The following CFAP298 variants were observed in gnomAD, a reference collection of about 807,000 sequenced individuals.
CFAP298 encodes the protein cilia- and flagella-associated protein 298.
Under a neutral mutation model 41.0 loss-of-function variants are expected in CFAP298, and 38 were observed. The ratio of observed to expected loss-of-function variants is 0.93; its 90% confidence interval spans 0.72 to 1.22. CFAP298 has a LOEUF of 1.22. Among genes scored for constraint, CFAP298 ranks in the 50% most tolerant of loss-of-function variants. CFAP298 has a pLI of 0.00. For synonymous variants in CFAP298, 137 were observed against 135.3 expected (o/e 1.01, Z -0.09); for missense variants, 348 against 360.3 (o/e 0.97, Z 0.28).
chr21:32,611,331 ATATATATAATTT>A (rs1482300493), intron 1 of CFAP298, among the ~76,000 whole-genome samples: 2 of 134,422 alleles, frequency 1.5e-5, no homozygotes, highest in African/African-American at 3.2e-5. Flanking sequence ...ATATATATAT[ATATATATAATTT>A]ATTTATATTT....
At chr21:32,608,614 G>A (rs1172731576) in intron 2 of CFAP298, among the ~76,000 whole-genome samples, 1 of 136,884 alleles carries the variant, frequency 7.3e-6, no homozygotes, top group South Asian at 2.3e-4. Context: ...CCGAGATTGT[G>A]CCACTGCACT....
In CFAP298 at chr21:32,612,148, G is replaced by A; in HGVS notation, c.96C>T (p.Ala32=). 6.3e-7 allele frequency: 1 copy of A among 1,578,442 alleles called. No homozygotes were observed. Among genetic ancestry groups the A allele is most frequent in the Non-Finnish European group, 8.6e-7 (1 of 1,162,640 alleles). ...CCTTGAGCCGCCCATTATAGACCCG[G>A]GCCACCTGCACCGTGAGCTCCTCCA... ...TELEELTVQV[A]RVYNGRLKVQ... The change falls in exon 1 of 7, where the codon GCC becomes GCT. Residue 32 remains alanine (A), a synonymous_variant. Coordinates refer to ENST00000290155, the MANE Select transcript of CFAP298 (RefSeq NM_021254.4).
At chr21:32,603,391 C>T in intron 4 of CFAP298, 99 bp from the exon 5 acceptor site, 2 of 1,319,470 alleles carry the variant, frequency 1.5e-6, no homozygotes, top group Non-Finnish European at 2.1e-6. Context: ...CAGATTTCTC[C>T]CCGTGCTCAC....
rs112097109 is a variant in CFAP298, at chr21:32,602,132, G to A, written c.762+140C>T. 6.7e-4 allele frequency: 620 copies of A among 923,156 alleles called. 4 individuals carry two copies. In the African/African-American group the frequency reaches 7.9e-3, roughly 12 times the overall value. The allele number at this position is 923,156 out of a possible 1,614,324, so 57.2% of individuals were successfully genotyped here. The stretch of plus-strand genomic sequence containing the variant: ...ACCAGGGGACACCTGGCAGGACCCC[G>A]ACAGACCTGCAGACAGAAGCTCTAG... On this transcript the variant is annotated intron_variant, in intron 6 of 6. Coordinates refer to ENST00000290155, the MANE Select transcript of CFAP298 (RefSeq NM_021254.4).
chr21:32,606,296 T>C (rs554592936), intron 3 of CFAP298, among the ~76,000 whole-genome samples: 2 of 152,240 alleles, frequency 1.3e-5, no homozygotes, highest in African/African-American at 2.4e-5. Flanking sequence ...GGGGAAAGGA[T>C]GGAAGCTTCA....
In CFAP298 at chr21:32,599,476, C is replaced by T. The variant is rs1720137; in HGVS notation, c.*2387G>A. Among the ~76,000 whole-genome samples, 15,108 of 152,180 alleles carry T rather than the reference C, an allele frequency of 0.099. 903 individuals carry two copies. The highest frequency in any genetic ancestry group is 0.16 in the African/African-American group (6,723 of 41,494). On this transcript the variant is annotated 3_prime_UTR_variant, in exon 7 of 7. Transcript: ENST00000290155. ...AGATGGGCACCGTGCATACAGCAGA[C>T]ACTTGGTTTCCTTTTGATATTGACT... is the stretch of plus-strand genomic sequence containing the variant.
At chr21:32,611,255 GATCGCGC>G (rs1245857168) in intron 1 of CFAP298, among the ~76,000 whole-genome samples, 1 of 148,616 alleles carries the variant, frequency 6.7e-6, no homozygotes, top group Non-Finnish European at 1.5e-5. Context: ...AGTGAGCAGA[GATCGCGC>G]CACTGCACTC....
At chr21:32,602,545 C>A (rs2038767470) in intron 5 of CFAP298, 178 bp from the exon 6 acceptor site, 2 of 1,422,248 alleles carry the variant, frequency 1.4e-6, no homozygotes, top group Non-Finnish European at 1.8e-6. Context: ...CAGCCCTGAG[C>A]CCTGGACTCT....
intron 2 of CFAP298, among the ~76,000 whole-genome samples, chr21:32,608,428 GGGTGGA>G: frequency 6.6e-6 from 1 of 152,044 alleles, no homozygotes; most frequent in East Asian, 1.9e-4. Context: ...AGGCCAAGAT[GGGTGGA>G]TCACCTGAGG....
In CFAP298 at chr21:32,607,629, C is replaced by A; in HGVS notation, c.375+20G>T. ...AAAAAAAACCCAACAAGTTTTAGTG[C>A]ATCATTTAAAAAAGCCAACCTTAGA... On this transcript the variant is annotated intron_variant, in intron 3 of 6. Transcript: ENST00000290155. The A allele has an allele frequency of 7.2e-7, 1 of 1,395,052 alleles. No homozygotes were observed. The highest frequency in any genetic ancestry group is 9.9e-7 in the Non-Finnish European group (1 of 1,013,062). The allele number at this position is 1,395,052 out of a possible 1,614,324, so 86.4% of individuals were successfully genotyped here.
intron 3 of CFAP298, among the ~76,000 whole-genome samples, chr21:32,607,424 T>C (rs1307966893): frequency 6.6e-6 from 1 of 151,896 alleles, no homozygotes; most frequent in African/African-American, 2.4e-5. Context: ...AGAAACCCCG[T>C]CTCTACTAAA....
rs113949928 is a variant in CFAP298 at position 32,603,753 on chromosome 21, T to C, written c.534+372A>G. Among the ~76,000 whole-genome samples, 331 of 152,250 alleles carry C rather than the reference T, an allele frequency of 2.2e-3. 3 individuals are homozygous for C. Among genetic ancestry groups the C allele is most frequent in the African/African-American group, 7.7e-3 (319 of 41,552 alleles). On this transcript the variant is annotated intron_variant, in intron 4 of 6. Transcript: ENST00000290155. ...GGAACATGAGGGTCAGAAAATAACA[T>C]GAAGCAACAGGTAAGACTAGAAACA...
chr21:32,602,216 C>T, intron 6 of CFAP298, 56 bp downstream of exon 6: 6 of 1,546,642 alleles, frequency 3.9e-6, no homozygotes, highest in Non-Finnish European at 5.4e-6. Flanking sequence ...CCAGGTAAGG[C>T]ACACAGGCTA....
Position 32,603,260 on chromosome 21 carries a change from C to CGCCTCTGCCTCTTTAA in CFAP298, c.551_566dup (p.Gln190Ter). ...GCTCCTTGGCTGCCCACCACAGCTG[C>CGCCTCTGCCTCTTTAA]GCCTCTGCCTCTTTAATGACGTTGA... is the stretch of plus-strand genomic sequence containing the variant. On this transcript the variant is annotated stop_gained and frameshift_variant, in exon 5 of 7. Coordinates refer to ENST00000290155, the MANE Select transcript of CFAP298 (RefSeq NM_021254.4). LOFTEE classifies it high-confidence loss of function. 6.2e-7 allele frequency: 1 copy of CGCCTCTGCCTCTTTAA among 1,614,164 alleles called. No individual in the cohort carries two copies. Among genetic ancestry groups the CGCCTCTGCCTCTTTAA allele is most frequent in the Non-Finnish European group, 8.5e-7 (1 of 1,180,010 alleles).
At chr21:32,602,829 G>A in intron 5 of CFAP298, 1 of 1,401,238 alleles carries the variant, frequency 7.1e-7, no homozygotes, top group Non-Finnish European at 9.2e-7. Flanking sequence ...AGCATCAGCA[G>A]TTTGAAAAAG....
At chr21:32,605,860 T>C (rs1215662227) in intron 3 of CFAP298, among the ~76,000 whole-genome samples, 6 of 152,196 alleles carry the variant, frequency 3.9e-5, no homozygotes, top group African/African-American at 1.4e-4. Context: ...CTCTGAGTAG[T>C]TAGTGTCAGA....
At chr21:32,602,543 A>T in intron 5 of CFAP298, 176 bp from the exon 6 acceptor site, 2 of 1,423,074 alleles carry the variant, frequency 1.4e-6, no homozygotes, top group Non-Finnish European at 1.8e-6. Context: ...AGCAGCCCTG[A>T]GCCCTGGACT....
rs1222493098 is a variant in CFAP298, at chr21:32,603,283, T to G, written c.544A>C (p.Asn182His). ...EDLSGTQAGL[N>H]VIKEAEAQLW... ...TGCGCCTCTGCCTCTTTAATGACGT[T>G]GAGCCCTGCCTGGGGCCAGTCGTAA... is the stretch of plus-strand genomic sequence containing the variant. The change falls in exon 5 of 7, where the codon AAC becomes CAC. Residue 182 changes from asparagine (N) to histidine (H), a missense_variant. Asn to His is a moderately conservative substitution (Grantham distance 68). Coordinates refer to ENST00000290155, the MANE Select transcript of CFAP298 (RefSeq NM_021254.4). 4 of 1,614,156 alleles carry G rather than the reference T, an allele frequency of 2.5e-6. No homozygotes were observed. Among genetic ancestry groups the G allele is most frequent in the Non-Finnish European group, 3.4e-6 (4 of 1,180,036 alleles).
chr21:32,603,001 TG>T, intron 5 of CFAP298, 159 bp downstream of exon 5: 1 of 1,093,444 alleles, frequency 9.1e-7, no homozygotes. Context: ...TTCCAGTTTT[TG>T]TTGGTGTGCA....
Sources: gnomAD v4.1 joint callset for allele counts (sites outside exome capture counted in the v4.1 genomes callset) on GRCh38, gnomAD v4.1.1 for gene constraint, MANE v1.5 for transcripts, NCBI Gene and HGNC (gene_info 2026-07-23, HGNC 2026-07-21) for gene names.